The following SMARCB1 variants were observed in gnomAD, a reference collection of about 807,000 sequenced individuals.
The protein encoded by SMARCB1 is SWI/SNF related BAF chromatin remodeling complex subunit B1.
A neutral mutation model predicts 49.0 loss-of-function variants in SMARCB1; 5 were observed. The ratio of observed to expected loss-of-function variants is 0.10; its 90% confidence interval spans 0.05 to 0.21. The LOEUF (loss-of-function observed/expected upper bound fraction) is 0.21. Among genes scored for constraint, SMARCB1 ranks in the 10% least tolerant of loss-of-function variants. The pLI, the probability that SMARCB1 is intolerant of heterozygous loss-of-function variation, is 1.00. For missense variants in SMARCB1, 226 were observed against 509.2 expected (o/e 0.44, Z 5.35); for synonymous variants, 201 against 200.1 (o/e 1.00, Z -0.04).
chr22:23,787,380 C>T (rs996670893), intron 1 of SMARCB1, 118 bp downstream of exon 1: 34 of 497,372 alleles, frequency 6.8e-5, no homozygotes, highest in Non-Finnish European at 1.7e-5. Flanking sequence ...CGCGCGCGCG[C>T]GCTCGGGGCT....
intron 1 of SMARCB1, among the ~76,000 whole-genome samples, chr22:23,788,332 C>T (rs1447764967): frequency 1.3e-5 from 2 of 152,318 alleles, no homozygotes; most frequent in East Asian, 3.9e-4. Flanking sequence ...AAGTGCCAAT[C>T]CTGGAGAATT....
chr22:23,812,051 C>T (rs1929899568), intron 5 of SMARCB1, among the ~76,000 whole-genome samples: 1 of 152,172 alleles, frequency 6.6e-6, no homozygotes, highest in Admixed American at 6.6e-5. Context: ...ACAGCTTACA[C>T]AAAATGGATT....
At chr22:23,816,716 C>T in intron 5 of SMARCB1, 54 bp from the exon 6 acceptor site, 1 of 1,541,680 alleles carries the variant, frequency 6.5e-7, no homozygotes, top group South Asian at 1.1e-5. Context: ...GGAGGCCGGT[C>T]CATGCCCAAG....
At chr22:23,808,157 G>T (rs1929629979) in intron 5 of SMARCB1, among the ~76,000 whole-genome samples, 1 of 145,250 alleles carries the variant, frequency 6.9e-6, no homozygotes, top group African/African-American at 2.6e-5. Flanking sequence ...CGGAGTCTCT[G>T]TCGCCCACTC....
At chr22:23,830,470 A>G (rs1299977099) in intron 7 of SMARCB1, among the ~76,000 whole-genome samples, 1 of 152,014 alleles carries the variant, frequency 6.6e-6, no homozygotes, top group Non-Finnish European at 1.5e-5. Context: ...TAGTTTCTTA[A>G]TTGGGTTTTA....
intron 7 of SMARCB1, among the ~76,000 whole-genome samples, chr22:23,826,846 C>T (rs950695279): frequency 6.6e-6 from 1 of 152,230 alleles, no homozygotes; most frequent in Non-Finnish European, 1.5e-5. Flanking sequence ...GAGTCCCTGC[C>T]TGAGCGCCAT....
At chr22:23,793,892 C>T (rs1928576270) in intron 3 of SMARCB1, among the ~76,000 whole-genome samples, 1 of 151,940 alleles carries the variant, frequency 6.6e-6, no homozygotes, top group Non-Finnish European at 1.5e-5. Context: ...AGCGATTCTC[C>T]TGCCTCAACC....
chr22:23,787,412 G>A, intron 1 of SMARCB1, 150 bp downstream of exon 1: 1 of 446,136 alleles, frequency 2.2e-6, no homozygotes, highest in Non-Finnish European at 4.0e-6. Context: ...CCTAGTGGGC[G>A]TGTCGGGTGT....
intron 4 of SMARCB1, chr22:23,801,391 A>T: frequency 1.5e-6 from 1 of 663,516 alleles, no homozygotes; most frequent in South Asian, 1.5e-5. Flanking sequence ...GGCCACAGCC[A>T]GTCTGATGGT....
At chr22:23,811,553 A>G (rs1568948619) in intron 5 of SMARCB1, among the ~76,000 whole-genome samples, 1 of 152,238 alleles carries the variant, frequency 6.6e-6, no homozygotes, top group Non-Finnish European at 1.5e-5. Context: ...TCCAACCACA[A>G]TTGACTCAAA....
rs1410371010 is a variant in SMARCB1, at chr22:23,836,866, G to C, written c.*2686G>C. 7 of 1,459,658 alleles carry C rather than the reference G, an allele frequency of 4.8e-6. No individual in the cohort carries two copies. Among genetic ancestry groups the C allele is most frequent in the Middle Eastern group, 3.7e-4 (2 of 5,474 alleles). The allele number at this position is 1,459,658 out of a possible 1,614,324, so 90.4% of individuals were successfully genotyped here. On this transcript the variant is annotated 3_prime_UTR_variant, in exon 9 of 9. Coordinates refer to ENST00000644036, the MANE Select transcript of SMARCB1 (RefSeq NM_003073.5). ...GCCTCTTAGGCCTGGCCCTGGGTGG[G>C]GGTCACTGCTGCGGGGGTGGCAGAT...
At chr22:23,825,782 C>T (rs190775919) in intron 7 of SMARCB1, 137 of 260,714 alleles carry the variant, frequency 5.3e-4, no homozygotes, top group South Asian at 4.8e-3. Flanking sequence ...AGGGTGACCC[C>T]TGCCCAGGGT....
At chr22:23,817,519 AC>A (rs1930268124) in intron 6 of SMARCB1, 1 of 158,596 alleles carries the variant, frequency 6.3e-6, no homozygotes, top group African/African-American at 2.4e-5. Flanking sequence ...ACATGTGATG[AC>A]CCTAAAAAGG....
chr22:23,828,160 C>G (rs1164597664), intron 7 of SMARCB1, among the ~76,000 whole-genome samples: 1 of 152,166 alleles, frequency 6.6e-6, no homozygotes, highest in African/African-American at 2.4e-5. Context: ...TCACGCCATT[C>G]TCCTGCCTCA....
chr22:23,816,891 G>A lies in SMARCB1; in HGVS notation c.750G>A (p.Thr250=), dbSNP rs1049144154. ...AIRQQIESYP[T]DSILEDQSDQ... ...GACAGCAGATCGAGTCCTACCCCAC[G>A]GACAGCATCCTGGAGGACCAGTCAG... Residue 250 remains threonine (T), a synonymous_variant, in exon 6 of 9, where the codon ACG becomes ACA. Coordinates refer to ENST00000644036, the MANE Select transcript of SMARCB1 (RefSeq NM_003073.5). The A allele has an allele frequency of 1.2e-5, 20 of 1,613,938 alleles. No individual in the cohort carries two copies. Among genetic ancestry groups the A allele is most frequent in the African/African-American group, 5.3e-5 (4 of 74,902 alleles).
At chr22:23,806,879 C>T (rs1469679553) in intron 5 of SMARCB1, among the ~76,000 whole-genome samples, 2 of 137,048 alleles carry the variant, frequency 1.5e-5, no homozygotes, top group African/African-American at 5.7e-5. Flanking sequence ...GAGATTGTGG[C>T]ATTGCACTTC....
chr22:23,790,990 G>A (rs1287239492), intron 1 of SMARCB1, among the ~76,000 whole-genome samples: 1 of 152,164 alleles, frequency 6.6e-6, no homozygotes, highest in Non-Finnish European at 1.5e-5. Context: ...TGAGTAAAGG[G>A]TACCCAGAAA....
At position 23,834,291 on chromosome 22, in the gene SMARCB1, A is replaced by AT; in HGVS notation, c.*112dup. 1 of 1,242,674 alleles carries AT rather than the reference A, an allele frequency of 8.0e-7. No homozygotes were observed. The highest frequency in any genetic ancestry group is 1.3e-5 in the South Asian group (1 of 77,804). 77.0% of individuals were successfully genotyped at this position (1,242,674 alleles called of 1,614,324 possible). On this transcript the variant is annotated 3_prime_UTR_variant, in exon 9 of 9. Coordinates refer to ENST00000644036, the MANE Select transcript of SMARCB1 (RefSeq NM_003073.5). Reference sequence around the variant, plus strand: ...GGGACAGCCCAGCGCCATCCTGAGGATCGGGTGGGGGTGGAGTGGGGGCTT... The same window carrying AT: ...GGGACAGCCCAGCGCCATCCTGAGGATTCGGGTGGGGGTGGAGTGGGGGCTT...
At chr22:23,801,894 C>G (rs34000120) in intron 4 of SMARCB1, 2 of 168,892 alleles carry the variant, frequency 1.2e-5, no homozygotes, top group Admixed American at 5.4e-5. Context: ...CCCTCACCCC[C>G]TCAGCCTCAT....
Sources: allele counts gnomAD v4.1 joint callset (sites outside exome capture counted in the v4.1 genomes callset), GRCh38; gene constraint gnomAD v4.1.1; transcripts MANE v1.5; gene names NCBI Gene and HGNC (gene_info 2026-07-23, HGNC 2026-07-21).